Variants in ARK2N observed in about 807,000 individuals in gnomAD.
The protein encoded by ARK2N is arkadia (RNF111) N-terminal like PKA signaling regulator 2N, also known as protein ARK2N.
chr18:46,199,155 A>G, the ARK2N span, among the ~76,000 whole-genome samples: 2 of 152,140 alleles, frequency 1.3e-5, no homozygotes, highest in Non-Finnish European at 2.9e-5. Flanking sequence ...CCCTCAGTCA[A>G]TATTTAAGAC....
At chr18:46,259,680 A>G in the ARK2N span, among the ~76,000 whole-genome samples, 5 of 151,366 alleles carry the variant, frequency 3.3e-5, no homozygotes, top group African/African-American at 7.3e-5. Flanking sequence ...ATCTCTGTTC[A>G]CTGCAGCCTC....
At chr18:46,262,953 G>C in the ARK2N span, 1 of 1,614,030 alleles carries the variant, frequency 6.2e-7, no homozygotes, top group Admixed American at 1.7e-5. Context: ...GAGGTGGTGT[G>C]ATTCAGAGTG....
chr18:46,258,467 T>C, the ARK2N span, among the ~76,000 whole-genome samples: 1 of 152,202 alleles, frequency 6.6e-6, no homozygotes, highest in South Asian at 2.1e-4. Context: ...CGCACACACT[T>C]CATTTCCACT....
chr18:46,200,800 G>T, the ARK2N span, among the ~76,000 whole-genome samples: 1 of 151,928 alleles, frequency 6.6e-6, no homozygotes, highest in African/African-American at 2.4e-5. Flanking sequence ...TTTTGAGACA[G>T]TGACACTAAT....
the ARK2N span, among the ~76,000 whole-genome samples, chr18:46,194,804 A>AT: frequency 1.3e-5 from 1 of 75,160 alleles, no homozygotes; most frequent in Non-Finnish European, 3.0e-5. Flanking sequence ...AAATTTAATT[A>AT]ATTTTTTTTT....
the ARK2N span, among the ~76,000 whole-genome samples, chr18:46,224,565 C>T: frequency 1.4e-4 from 21 of 152,106 alleles, no homozygotes; most frequent in African/African-American, 5.1e-4. Flanking sequence ...TAAACCGAAA[C>T]AAATCTTAGA....
At chr18:46,216,401 A>G in the ARK2N span, 20 of 1,613,862 alleles carry the variant, frequency 1.2e-5, no homozygotes, top group East Asian at 2.2e-5. The surrounding 1 kb of genome is among the most constrained non-coding windows in gnomAD (Gnocchi z 4.3). Flanking sequence ...GTTAAAGGTC[A>G]TCGGAGCCAA....
At chr18:46,207,388 CTTTTTTT>C in the ARK2N span, among the ~76,000 whole-genome samples, 5 of 115,916 alleles carry the variant, frequency 4.3e-5, no homozygotes, top group South Asian at 2.8e-4. Context: ...AGTTTCTATA[CTTTTTTT>C]TTTTTTTTTT....
At chr18:46,246,259 G>A in the ARK2N span, among the ~76,000 whole-genome samples, 1 of 152,176 alleles carries the variant, frequency 6.6e-6, no homozygotes. Context: ...GTGGGGAGGG[G>A]CAGAGCAGAA....
chr18:46,248,156 A>G, the ARK2N span, among the ~76,000 whole-genome samples: 1 of 152,234 alleles, frequency 6.6e-6, no homozygotes, highest in Non-Finnish European at 1.5e-5. Context: ...CCTGGAAGGC[A>G]CTGCCTGCTG....
chr18:46,205,762 G>A, the ARK2N span, among the ~76,000 whole-genome samples: 1 of 152,142 alleles, frequency 6.6e-6, no homozygotes, highest in Non-Finnish European at 1.5e-5. Flanking sequence ...CTGTTGCCCA[G>A]GCAGGCATTA....
chr18:46,253,487 T>C, the ARK2N span, among the ~76,000 whole-genome samples: 1 of 152,260 alleles, frequency 6.6e-6, no homozygotes, highest in Non-Finnish European at 1.5e-5. Flanking sequence ...CCATGTTGTT[T>C]GAATATACAT....
At chr18:46,208,464 CTTTTTTT>C in the ARK2N span, among the ~76,000 whole-genome samples, 6 of 68,364 alleles carry the variant, frequency 8.8e-5, no homozygotes, top group African/African-American at 2.4e-4. Context: ...GTTCTTAAAT[CTTTTTTT>C]TTTTTTTTTT....
chr18:46,240,869 A>G, the ARK2N span, among the ~76,000 whole-genome samples: 1 of 152,184 alleles, frequency 6.6e-6, no homozygotes. Flanking sequence ...TTTTCTTCAA[A>G]AGTTTCTTTC....
the ARK2N span, chr18:46,240,203 C>T: frequency 6.2e-7 from 1 of 1,613,620 alleles, no homozygotes; most frequent in Non-Finnish European, 8.5e-7. Flanking sequence ...TCTTCCCCAT[C>T]CCCCTTCTCT....
the ARK2N span, among the ~76,000 whole-genome samples, chr18:46,251,602 A>G: frequency 6.6e-6 from 1 of 152,248 alleles, no homozygotes; most frequent in Non-Finnish European, 1.5e-5. Context: ...CTAAAGAATT[A>G]TGAAAAAGAC....
the ARK2N span, among the ~76,000 whole-genome samples, chr18:46,240,936 T>G: frequency 6.6e-6 from 1 of 152,234 alleles, no homozygotes; most frequent in South Asian, 2.1e-4. Context: ...GCACTGAACA[T>G]TTAAGAAGAG....
chr18:46,193,483 T>G, the ARK2N span, among the ~76,000 whole-genome samples: 2 of 151,938 alleles, frequency 1.3e-5, no homozygotes, highest in Non-Finnish European at 2.9e-5. Context: ...GAGATGGGGT[T>G]TCACCACGTT....
At chr18:46,179,956 G>A in the ARK2N span, among the ~76,000 whole-genome samples, 1 of 152,090 alleles carries the variant, frequency 6.6e-6, no homozygotes, top group African/African-American at 2.4e-5. Context: ...TGAACTGCTA[G>A]GAGAGGAAAC....
Sources: gnomAD v4.1 joint callset for allele counts (sites outside exome capture counted in the v4.1 genomes callset) on GRCh38, gnomAD v4.1.1 for gene constraint, Gnocchi (gnomAD v3.1) non-coding constraint, MANE v1.5 for transcripts, NCBI Gene and HGNC (gene_info 2026-07-23, HGNC 2026-07-21) for gene names.